The following NPM1 variants were observed in gnomAD, a reference collection of about 807,000 sequenced individuals.
The protein encoded by NPM1 is nucleophosmin.
In NPM1, 1 loss-of-function variant was observed where a neutral mutation model predicts 44.1. The observed-to-expected ratio is 0.02, with a 90% CI of 0.01 to 0.11. NPM1 has a LOEUF of 0.11. NPM1 is among the 10% of genes least tolerant of loss of function. NPM1 has a pLI of 1.00. For synonymous variants in NPM1, 126 were observed against 111.8 expected (o/e 1.13, Z -0.80); for missense variants, 197 against 347.8 (o/e 0.57, Z 3.45).
chr5:171,395,213 C>T (rs1770819016), intron 6 of NPM1, among the ~76,000 whole-genome samples: 1 of 151,956 alleles, frequency 6.6e-6, no homozygotes, highest in Admixed American at 6.6e-5. Context: ...GATGTAACCA[C>T]AATGTAATTT....
At chr5:171,387,756 TG>T, upstream of NPM1, 1 of 596,928 alleles carries the variant, frequency 1.7e-6, no homozygotes. Context: ...GGTACGGGGG[TG>T]GGAGGGCTTC....
At chr5:171,389,738 A>G (rs1770474692) in intron 1 of NPM1, among the ~76,000 whole-genome samples, 1 of 152,238 alleles carries the variant, frequency 6.6e-6, no homozygotes, top group Non-Finnish European at 1.5e-5. Flanking sequence ...TGGACATTAC[A>G]TTTGGTTTCA....
intron 10 of NPM1, among the ~76,000 whole-genome samples, chr5:171,408,101 T>A (rs1771660730): frequency 6.6e-6 from 1 of 152,114 alleles, no homozygotes; most frequent in Non-Finnish European, 1.5e-5. Flanking sequence ...TCCATTTGAC[T>A]GCTTGGGGCA....
intron 6 of NPM1, among the ~76,000 whole-genome samples, chr5:171,394,365 G>C (rs1231515861): frequency 6.6e-6 from 1 of 151,952 alleles, no homozygotes; most frequent in East Asian, 1.9e-4. Context: ...ATAGACATGG[G>C]GTTTCACCAC....
intron 6 of NPM1, among the ~76,000 whole-genome samples, chr5:171,396,180 C>T (rs1477821666): frequency 1.3e-5 from 2 of 152,048 alleles, no homozygotes; most frequent in African/African-American, 4.8e-5. Flanking sequence ...GGGGTTTCGC[C>T]ATGTTGGTCA....
chr5:171,395,241 G>A (rs995429655), intron 6 of NPM1, among the ~76,000 whole-genome samples: 1 of 152,038 alleles, frequency 6.6e-6, no homozygotes, highest in Admixed American at 6.6e-5. Context: ...CTTTAAGTTG[G>A]GCATTGATAG....
At chr5:171,400,776 A>G (rs1014703953) in intron 7 of NPM1, 63 bp from the exon 8 acceptor site, 1 of 1,090,374 alleles carries the variant, frequency 9.2e-7, no homozygotes, top group Non-Finnish European at 1.4e-6. Flanking sequence ...CATGGCTTGG[A>G]CAGCTTTGTT....
At chr5:171,394,469 C>T (rs1315356490) in intron 6 of NPM1, among the ~76,000 whole-genome samples, 11 of 152,014 alleles carry the variant, frequency 7.2e-5, no homozygotes, top group Admixed American at 7.2e-4. Context: ...CCACCGTGCC[C>T]GGCCACTTTT....
At chr5:171,401,505 C>T (rs1393281953) in intron 8 of NPM1, among the ~76,000 whole-genome samples, 15 of 152,114 alleles carry the variant, frequency 9.9e-5, no homozygotes, top group Admixed American at 3.9e-4. Flanking sequence ...TGCGTGATCT[C>T]GGCTTACTGC....
intron 10 of NPM1, among the ~76,000 whole-genome samples, chr5:171,408,435 T>C (rs772261500): frequency 2.0e-5 from 3 of 152,338 alleles, no homozygotes; most frequent in South Asian, 4.1e-4. Context: ...TAATGGTCTT[T>C]AGGTTTCCTG....
intron 10 of NPM1, among the ~76,000 whole-genome samples, chr5:171,408,843 G>C (rs923952881): frequency 6.6e-6 from 1 of 152,196 alleles, no homozygotes; most frequent in African/African-American, 2.4e-5. Context: ...AGCAGCATAA[G>C]AGATGCATTC....
chr5:171,398,914 C>A lies in NPM1; in HGVS notation c.525-1239C>A, dbSNP rs753869330. ...TCTCACTGTCACCCAGGCTGTAGCA[C>A]AGTGGCGTGATCTTGGCTCACTGCA... On this transcript the variant is annotated intron_variant, in intron 6 of 10. Coordinates refer to ENST00000296930, the MANE Select transcript of NPM1 (RefSeq NM_002520.7). Among the ~76,000 whole-genome samples the A allele has an allele frequency of 4.7e-4, 71 of 152,168 alleles. 2 individuals carry two copies. Among genetic ancestry groups the A allele is most frequent in the Non-Finnish European group, 4.7e-4 (32 of 68,036 alleles).
chr5:171,404,255 C>T lies in NPM1; in HGVS notation c.670-1047C>T, dbSNP rs1275377554. Reference sequence around the variant, plus strand: ...GGTTGACCCCCCCCCACCTCCCTCCCGGACGGGGTGGCTGCTGGGCGGAGA... The same window carrying T: ...GGTTGACCCCCCCCCACCTCCCTCCTGGACGGGGTGGCTGCTGGGCGGAGA... On this transcript the variant is annotated intron_variant, in intron 8 of 10. Coordinates refer to ENST00000296930, the MANE Select transcript of NPM1 (RefSeq NM_002520.7). 1.1e-4 allele frequency among the ~76,000 whole-genome samples: 12 copies of T among 108,480 alleles called. 3 individuals carry two copies. Among genetic ancestry groups the T allele is most frequent in the Admixed American group, 1.8e-4 (2 of 11,152 alleles). The allele number at this position is 108,480 out of a possible 152,430, so 71.2% of individuals were successfully genotyped here.
At chr5:171,403,409 T>C (rs1771341232) in intron 8 of NPM1, among the ~76,000 whole-genome samples, 1 of 111,490 alleles carries the variant, frequency 9.0e-6, no homozygotes, top group African/African-American at 3.3e-5. Context: ...TCTACTTCTT[T>C]CTACACAGAC....
At chr5:171,391,164 A>G in intron 2 of NPM1, 141 bp from the exon 3 acceptor site, 1 of 945,214 alleles carries the variant, frequency 1.1e-6, no homozygotes, top group Non-Finnish European at 1.6e-6. Context: ...ATGATTGTAC[A>G]AAGATGAAAT....
chr5:171,404,448 C>T (rs1469250995), intron 8 of NPM1, among the ~76,000 whole-genome samples: 4 of 78,686 alleles, frequency 5.1e-5, no homozygotes, highest in Non-Finnish European at 1.0e-4. Context: ...CGCTCCTCAC[C>T]TCCCAGACGG....
intron 8 of NPM1, among the ~76,000 whole-genome samples, chr5:171,402,997 T>A (rs1043625027): frequency 1.7e-4 from 25 of 143,476 alleles, no homozygotes; most frequent in Non-Finnish European, 3.2e-4. Context: ...TTATTTTTTA[T>A]TTTTATTTTT....
chr5:171,389,897 A>G (rs1306019433), intron 1 of NPM1, among the ~76,000 whole-genome samples, 154 bp from the exon 2 acceptor site: 1 of 152,240 alleles, frequency 6.6e-6, no homozygotes, highest in Non-Finnish European at 1.5e-5. Context: ...TTTCTGTTCA[A>G]GAAATCTAGG....
In NPM1 at chr5:171,404,137, A is replaced by AC. The variant is rs1375194604; in HGVS notation, c.670-1158dup. 1.9e-4 allele frequency among the ~76,000 whole-genome samples: 12 copies of AC among 63,378 alleles called. 1 individual carries two copies. In the South Asian group the frequency reaches 3.1e-3, roughly 16 times the overall value. 41.6% of individuals were successfully genotyped at this position (63,378 alleles called of 152,430 possible). A position where few individuals can be genotyped will look rare whatever the true frequency, so the allele number is the denominator to read the frequency against. The stretch of plus-strand genomic sequence containing the variant: ...GCACGGCTGGCCAGGTGGGGGGCTG[A>AC]CCCCCCCACCTCCCTCCCGGATGGC... On this transcript the variant is annotated intron_variant, in intron 8 of 10. Transcript: ENST00000296930.
Sources: gnomAD v4.1 joint callset for allele counts (sites outside exome capture counted in the v4.1 genomes callset) on GRCh38, gnomAD v4.1.1 for gene constraint, MANE v1.5 for transcripts, NCBI Gene and HGNC (gene_info 2026-07-23, HGNC 2026-07-21) for gene names.